CDRT4: variants seen among roughly 807,000 people sequenced by gnomAD.
CDRT4 encodes CMT1A duplicated region transcript 4.
For missense variants in CDRT4, 167 were observed against 193.1 expected, an observed-to-expected ratio of 0.87 and a Z score of 0.80; for synonymous variants, 64 against 69.6, an observed-to-expected ratio of 0.92 and a Z score of 0.40.
intron 3 of CDRT4, 79 bp from the exon 4 acceptor site, chr17:15,438,279 T>C: frequency 2.8e-6 from 4 of 1,435,934 alleles, no homozygotes; most frequent in Admixed American, 2.1e-5. Flanking sequence ...GGGAAGGCAT[T>C]GGAACCAGAT....
chr17:15,451,471 C>T (rs1979259444), intron 2 of CDRT4, among the ~76,000 whole-genome samples: 1 of 151,042 alleles, frequency 6.6e-6, no homozygotes, highest in Non-Finnish European at 1.5e-5. Flanking sequence ...GCCTAACATT[C>T]CCCCCTCCAT....
At chr17:15,463,608 C>T (rs1979857504) in intron 1 of CDRT4, among the ~76,000 whole-genome samples, 2 of 152,182 alleles carry the variant, frequency 1.3e-5, no homozygotes, top group African/African-American at 4.8e-5. Context: ...TCCTCGTTGA[C>T]TTTCCCGGCA....
At chr17:15,466,131 C>T (rs538489991) in intron 1 of CDRT4, among the ~76,000 whole-genome samples, 9 of 152,264 alleles carry the variant, frequency 5.9e-5, no homozygotes, top group Non-Finnish European at 8.8e-5. Context: ...AGGTCAGCTC[C>T]CTGACCCAGG....
chr17:15,464,826 T>A lies in CDRT4; in HGVS notation c.-130+2634A>T, dbSNP rs1979921125. On this transcript the variant is annotated intron_variant, in intron 1 of 3. Transcript: ENST00000619038. This position sits in a 1 kb window ranked among gnomAD's most constrained non-coding sequence, Gnocchi z 4.5. ...CTCTTTCACTCACTCCAGCCTGGCA[T>A]CCACACTCGCAGCTCTGCTGACAGC... Among the ~76,000 whole-genome samples, 1 of 152,114 alleles carries A rather than the reference T, an allele frequency of 6.6e-6. No individual in the cohort carries two copies. Among genetic ancestry groups the A allele is most frequent in the Admixed American group, 6.6e-5 (1 of 15,262 alleles).
At chr17:15,459,429 CTTT>C in intron 1 of CDRT4, among the ~76,000 whole-genome samples, 1 of 131,596 alleles carries the variant, frequency 7.6e-6, no homozygotes, top group Admixed American at 7.6e-5. Context: ...GAGTTGATTT[CTTT>C]TTTTTTCTTT....
At chr17:15,443,080 G>A (rs1039193846) in intron 2 of CDRT4, among the ~76,000 whole-genome samples, 5 of 151,960 alleles carry the variant, frequency 3.3e-5, no homozygotes, top group Admixed American at 2.0e-4. Context: ...CCACTCCCCC[G>A]CTCAATCTCT....
chr17:15,459,249 C>T (rs528240266), intron 1 of CDRT4, among the ~76,000 whole-genome samples: 2 of 151,994 alleles, frequency 1.3e-5, no homozygotes, highest in Non-Finnish European at 2.9e-5. Context: ...AACAACAAGA[C>T]AAATGGAGCT....
At chr17:15,465,015 A>G (rs777163230) in intron 1 of CDRT4, among the ~76,000 whole-genome samples, 2 of 144,512 alleles carry the variant, frequency 1.4e-5, no homozygotes, top group Non-Finnish European at 1.5e-5. Context: ...CACACACAAC[A>G]CAGACACACA....
At chr17:15,447,005 G>A (rs1054175041) in intron 2 of CDRT4, among the ~76,000 whole-genome samples, 4 of 152,180 alleles carry the variant, frequency 2.6e-5, no homozygotes, top group African/African-American at 7.2e-5. Flanking sequence ...GACAGGTCCT[G>A]CACTCACCCA....
intron 2 of CDRT4, among the ~76,000 whole-genome samples, chr17:15,446,320 C>T (rs1245719864): frequency 1.3e-5 from 2 of 152,142 alleles, no homozygotes; most frequent in Non-Finnish European, 2.9e-5. Flanking sequence ...CCCATGGAAA[C>T]TGTCACCATT....
chr17:15,460,648 C>A lies in CDRT4; in HGVS notation c.-130+6812G>T, dbSNP rs141836886. ...CATATCCGCCTGGTTGCCCCCACAG[C>A]CTCCAAACTGGCCTCCCTGCTCCCA... On this transcript the variant is annotated intron_variant, in intron 1 of 3. Coordinates refer to ENST00000619038, the MANE Select transcript of CDRT4 (RefSeq NM_001204477.2). 7.9e-3 allele frequency among the ~76,000 whole-genome samples: 1,196 copies of A among 152,242 alleles called. 13 individuals are homozygous for A. Among genetic ancestry groups the A allele is most frequent in the African/African-American group, 0.028 (1,157 of 41,532 alleles).
At chr17:15,453,363 T>C (rs1979345703) in intron 1 of CDRT4, among the ~76,000 whole-genome samples, 1 of 152,056 alleles carries the variant, frequency 6.6e-6, no homozygotes. Flanking sequence ...ACATAGAAAA[T>C]ATGTGTGGGT....
chr17:15,463,687 T>G (rs746822198), intron 1 of CDRT4, among the ~76,000 whole-genome samples: 1 of 152,124 alleles, frequency 6.6e-6, no homozygotes, highest in Non-Finnish European at 1.5e-5. Flanking sequence ...CGGTGGGCTC[T>G]CCACTCTCCA....
chr17:15,460,449 T>C (rs1240311342), intron 1 of CDRT4, among the ~76,000 whole-genome samples: 1 of 152,238 alleles, frequency 6.6e-6, no homozygotes, highest in Non-Finnish European at 1.5e-5. Flanking sequence ...TGTTTTATAC[T>C]TATTAACCCA....
Position 15,464,879 on chromosome 17 carries a change from C to T in CDRT4, c.-130+2581G>A, listed in dbSNP as rs527662494. On this transcript the variant is annotated intron_variant, in intron 1 of 3. Transcript: ENST00000619038. This position sits in a 1 kb window ranked among gnomAD's most constrained non-coding sequence, Gnocchi z 4.5. Reference sequence around the variant, plus strand: ...GCACAGAAAGGAACCAGCAGGGATACGGGAACAGAGGCACAGACATCAAGC... The same window carrying T: ...GCACAGAAAGGAACCAGCAGGGATATGGGAACAGAGGCACAGACATCAAGC... 5.6e-4 allele frequency among the ~76,000 whole-genome samples: 85 copies of T among 152,236 alleles called. No individual in the cohort carries two copies. The highest frequency in any genetic ancestry group is 1.4e-3 in the African/African-American group (57 of 41,526).
intron 3 of CDRT4, 95 bp from the exon 4 acceptor site, chr17:15,438,295 A>C (rs992144445): frequency 1.6e-6 from 2 of 1,238,776 alleles, no homozygotes; most frequent in Non-Finnish European, 2.3e-6. Flanking sequence ...CAGATTTTGA[A>C]GTCCTCCCTA....
At chr17:15,440,686 G>A (rs911226010) in intron 2 of CDRT4, among the ~76,000 whole-genome samples, 11 of 152,100 alleles carry the variant, frequency 7.2e-5, no homozygotes, top group African/African-American at 9.7e-5. Flanking sequence ...CTACAAGCAC[G>A]ACATCCAACC....
At chr17:15,446,082 A>G in intron 2 of CDRT4, among the ~76,000 whole-genome samples, 1 of 151,774 alleles carries the variant, frequency 6.6e-6, no homozygotes, top group East Asian at 1.9e-4. Flanking sequence ...TGAGATCTGG[A>G]AAGATGCTCC....
At chr17:15,454,408 G>A (rs1244454332) in intron 1 of CDRT4, among the ~76,000 whole-genome samples, 2 of 152,106 alleles carry the variant, frequency 1.3e-5, no homozygotes, top group Non-Finnish European at 2.9e-5. Flanking sequence ...ACACAGCCCT[G>A]AGCAGAACAT....
Sources: allele counts gnomAD v4.1 joint callset (sites outside exome capture counted in the v4.1 genomes callset), GRCh38; gene constraint gnomAD v4.1.1; non-coding constraint Gnocchi (gnomAD v3.1); transcripts MANE v1.5; gene names NCBI Gene and HGNC (gene_info 2026-07-23, HGNC 2026-07-21).